The following TEAD1 variants were observed in gnomAD, a reference collection of about 807,000 sequenced individuals.
TEAD1 encodes transcriptional enhancer factor TEF-1.
A neutral mutation model predicts 54.9 loss-of-function variants in TEAD1; 9 were observed. That is an observed-to-expected ratio of 0.16 (90% CI 0.10 to 0.29). The LOEUF (loss-of-function observed/expected upper bound fraction) is 0.29, where lower values mean the gene tolerates loss of function less well. Ranked by LOEUF, TEAD1 falls within the 10% of genes least tolerant of loss-of-function variation. The pLI is 1.00. For synonymous variants in TEAD1, 200 were observed against 187.8 expected, an observed-to-expected ratio of 1.07 and a Z score of -0.53; for missense variants, 387 against 535.9, an observed-to-expected ratio of 0.72 and a Z score of 2.74.
At chr11:12,883,917 C>G (rs1948028500) in intron 9 of TEAD1, among the ~76,000 whole-genome samples, 1 of 151,742 alleles carries the variant, frequency 6.6e-6, no homozygotes, top group Non-Finnish European at 1.5e-5. Context: ...ATTGGTTGAA[C>G]CCAGGAGGCG....
intron 3 of TEAD1, among the ~76,000 whole-genome samples, chr11:12,770,909 G>A (rs1317758826): frequency 6.6e-6 from 1 of 152,234 alleles, no homozygotes; most frequent in Non-Finnish European, 1.5e-5. Context: ...AAAAGATCAT[G>A]TAGCGGTTTT....
At chr11:12,705,514 TTG>T (rs1453019706) in intron 2 of TEAD1, among the ~76,000 whole-genome samples, 1 of 152,074 alleles carries the variant, frequency 6.6e-6, no homozygotes, top group Non-Finnish European at 1.5e-5. Flanking sequence ...CTGCTTGCAT[TTG>T]TGTGAGTTTA....
At chr11:12,885,247 T>G (rs1240740984) in intron 9 of TEAD1, among the ~76,000 whole-genome samples, 1 of 150,570 alleles carries the variant, frequency 6.6e-6, no homozygotes, top group Non-Finnish European at 1.5e-5. Flanking sequence ...TTTTTTTTTT[T>G]TTTTTTGAGA....
At chr11:12,864,276 C>T (rs1947567885) in intron 4 of TEAD1, among the ~76,000 whole-genome samples, 1 of 152,146 alleles carries the variant, frequency 6.6e-6, no homozygotes, top group Non-Finnish European at 1.5e-5. Context: ...AAGGGATTTT[C>T]CCTCCTGATA....
chr11:12,714,455 A>G (rs1318521394), intron 2 of TEAD1, among the ~76,000 whole-genome samples: 2 of 151,904 alleles, frequency 1.3e-5, no homozygotes, highest in East Asian at 1.9e-4. Context: ...GCGGTGGTGG[A>G]CCACACCTGG....
intron 3 of TEAD1, among the ~76,000 whole-genome samples, chr11:12,813,952 A>T (rs1866708): frequency 1.8e-3 from 270 of 152,282 alleles, no homozygotes; most frequent in African/African-American, 6.2e-3. Flanking sequence ...GGAGGTGCTG[A>T]CCACAAGTCC....
intron 3 of TEAD1, among the ~76,000 whole-genome samples, chr11:12,792,843 G>A (rs1305994420): frequency 1.7e-4 from 26 of 152,144 alleles, no homozygotes; most frequent in Admixed American, 1.7e-3. Flanking sequence ...ATTGTTTGAT[G>A]CCAAGAGTTT....
chr11:12,781,355 C>G (rs1945538340), intron 3 of TEAD1, among the ~76,000 whole-genome samples: 1 of 151,648 alleles, frequency 6.6e-6, no homozygotes, highest in Admixed American at 6.6e-5. Flanking sequence ...TTTCCTGCTT[C>G]AAAGGATATC....
chr11:12,882,086 G>T, intron 8 of TEAD1, 129 bp downstream of exon 8: 1 of 983,878 alleles, frequency 1.0e-6, no homozygotes, highest in South Asian at 1.3e-5. Flanking sequence ...TGACTTGCAG[G>T]ATCCTTGGGT....
rs572127113 is a variant in TEAD1 at position 12,937,098 on chromosome 11, T to A, written c.1168-11T>A. ...CTTTTGGTATTATATACTTTTTTTT[T>A]ATCTTAACAGGTGGTAACAAACAGG... On this transcript the variant is annotated splice_polypyrimidine_tract_variant and intron_variant, in intron 12 of 12. Transcript: ENST00000527636. 6.3e-6 allele frequency: 10 copies of A among 1,590,960 alleles called. No individual in the cohort carries two copies. The highest frequency in any genetic ancestry group is 1.1e-5 in the South Asian group (1 of 90,560).
rs746622012 is a variant in TEAD1 at position 12,925,058 on chromosome 11, T to C, written c.1014+6T>C. On this transcript the variant is annotated splice_donor_region_variant and intron_variant, in intron 11 of 12. Coordinates refer to ENST00000527636, the MANE Select transcript of TEAD1 (RefSeq NM_021961.6). ...AAGTAGTAGAAAAAGTAGAGGTAAGTTGGCCTCTGTATACTGGAAACTTCA... is the reference window on the plus strand; with the variant it reads ...AAGTAGTAGAAAAAGTAGAGGTAAGCTGGCCTCTGTATACTGGAAACTTCA... 8 of 1,613,834 alleles carry C rather than the reference T, an allele frequency of 5.0e-6. No homozygotes were observed. Among genetic ancestry groups the C allele is most frequent in the Non-Finnish European group, 6.8e-6 (8 of 1,180,018 alleles).
intron 10 of TEAD1, among the ~76,000 whole-genome samples, chr11:12,924,172 G>C (rs191966613): frequency 6.6e-6 from 1 of 152,112 alleles, no homozygotes; most frequent in African/African-American, 2.4e-5. Context: ...GCCTTGGCCT[G>C]CACTGTACCC....
intron 2 of TEAD1, among the ~76,000 whole-genome samples, chr11:12,751,516 C>T (rs1424642260): frequency 6.6e-6 from 1 of 152,056 alleles, no homozygotes; most frequent in African/African-American, 2.4e-5. Context: ...GGTATGTGTA[C>T]TTATTTGTCT....
At chr11:12,894,005 C>T (rs544284499) in intron 9 of TEAD1, among the ~76,000 whole-genome samples, 3 of 151,950 alleles carry the variant, frequency 2.0e-5, no homozygotes, top group Non-Finnish European at 4.4e-5. Context: ...CCCAGCCTGC[C>T]CTGGGGGGTA....
At position 12,942,020 on chromosome 11, in the gene TEAD1, C is replaced by T. The variant is rs544231399; in HGVS notation, c.*4798C>T. 5.0e-4 allele frequency: 77 copies of T among 152,664 alleles called. No homozygotes were observed. Among genetic ancestry groups the T allele is most frequent in the African/African-American group, 1.8e-3 (73 of 41,554 alleles). 9.5% of individuals were successfully genotyped at this position (152,664 alleles called of 1,614,324 possible). A position where few individuals can be genotyped will look rare whatever the true frequency, so the allele number is the denominator to read the frequency against. On this transcript the variant is annotated 3_prime_UTR_variant, in exon 13 of 13. Coordinates refer to ENST00000527636, the MANE Select transcript of TEAD1 (RefSeq NM_021961.6). ...TTGTAAGCCCATTTTTTCTCCAGTTCTATAGGAAACTGACTGCTTGGTGTA... is the reference window on the plus strand; with the variant it reads ...TTGTAAGCCCATTTTTTCTCCAGTTTTATAGGAAACTGACTGCTTGGTGTA...
intron 2 of TEAD1, among the ~76,000 whole-genome samples, chr11:12,733,917 C>T (rs1944471965): frequency 6.6e-6 from 1 of 152,176 alleles, no homozygotes. Context: ...CGTGGGTTCC[C>T]CACCTCCCCC....
intron 10 of TEAD1, among the ~76,000 whole-genome samples, chr11:12,912,278 CAT>C (rs1208852015): frequency 2.0e-5 from 3 of 152,038 alleles, no homozygotes; most frequent in Admixed American, 6.6e-5. Context: ...GGATGGCAGA[CAT>C]GTGGGCAGGT....
intron 3 of TEAD1, among the ~76,000 whole-genome samples, chr11:12,830,665 G>A (rs1034411090): frequency 2.6e-5 from 4 of 152,026 alleles, no homozygotes; most frequent in Non-Finnish European, 5.9e-5. Context: ...CCTGGTTAAC[G>A]TGTATATAAT....
chr11:12,892,097 G>T (rs1204882837), intron 9 of TEAD1, among the ~76,000 whole-genome samples: 1 of 152,228 alleles, frequency 6.6e-6, no homozygotes, highest in Non-Finnish European at 1.5e-5. Flanking sequence ...CAGATAACAT[G>T]ATTCTTTCTC....
Sources: gnomAD v4.1 joint callset for allele counts (sites outside exome capture counted in the v4.1 genomes callset) on GRCh38, gnomAD v4.1.1 for gene constraint, MANE v1.5 for transcripts, NCBI Gene and HGNC (gene_info 2026-07-23, HGNC 2026-07-21) for gene names.